Variants in EYS observed in about 807,000 individuals in gnomAD.
EYS encodes protein eyes shut homolog.
A neutral mutation model predicts 282.1 loss-of-function variants in EYS; 250 were observed. That is an observed-to-expected ratio of 0.89 (90% confidence interval 0.80 to 0.98). EYS has a LOEUF of 0.98. EYS is among the 50% of genes least tolerant of loss of function. EYS has a pLI of 0.00. For synonymous variants in EYS, 1,355 were observed against 1,282.9 expected (o/e 1.06, Z -1.20); for missense variants, 4,016 against 3,709.0 (o/e 1.08, Z -2.15).
chr6:64,431,364 G>T (rs904915844), intron 28 of EYS, among the ~76,000 whole-genome samples: 3 of 152,108 alleles, frequency 2.0e-5, no homozygotes, highest in African/African-American at 7.2e-5. Context: ...CCTCTGTAAT[G>T]ACTCTGTAGC....
chr6:64,187,172 T>C (rs1392405892), intron 31 of EYS, among the ~76,000 whole-genome samples: 2 of 152,122 alleles, frequency 1.3e-5, no homozygotes, highest in Non-Finnish European at 2.9e-5. Context: ...TGGATCAAAG[T>C]GTGCATTTGT....
chr6:64,656,943 C>T (rs1768772301), intron 22 of EYS, among the ~76,000 whole-genome samples: 1 of 152,140 alleles, frequency 6.6e-6, no homozygotes, highest in Non-Finnish European at 1.5e-5. Context: ...AAGGTATTTG[C>T]ATCTATTAAG....
chr6:65,367,754 C>A (rs1168991100), intron 8 of EYS, among the ~76,000 whole-genome samples: 3 of 151,626 alleles, frequency 2.0e-5, no homozygotes, highest in East Asian at 1.9e-4. Context: ...TTAGAGGTCT[C>A]CCTTAAACAT....
At chr6:64,828,735 G>T (rs1461803805) in intron 19 of EYS, among the ~76,000 whole-genome samples, 1 of 151,982 alleles carries the variant, frequency 6.6e-6, no homozygotes, top group Non-Finnish European at 1.5e-5. Context: ...GTATGCCAGA[G>T]ATCACAGATA....
intron 14 of EYS, among the ~76,000 whole-genome samples, chr6:64,969,974 C>T (rs1770232659): frequency 6.6e-6 from 1 of 152,066 alleles, no homozygotes; most frequent in Admixed American, 6.5e-5. Flanking sequence ...GGCTTTAATA[C>T]AGTAGCTATT....
chr6:64,937,881 G>A (rs568033817), intron 15 of EYS, among the ~76,000 whole-genome samples: 8 of 151,706 alleles, frequency 5.3e-5, no homozygotes, highest in East Asian at 1.9e-4. Flanking sequence ...TAATCAACAT[G>A]TTTATCAGCT....
chr6:63,952,663 T>C (rs984019824), intron 35 of EYS, among the ~76,000 whole-genome samples: 3 of 152,246 alleles, frequency 2.0e-5, no homozygotes, highest in African/African-American at 7.2e-5. Context: ...AACTAAATTA[T>C]CTGCTTCCCT....
At chr6:65,301,075 G>A (rs1177049472) in intron 11 of EYS, 1 of 152,240 alleles carries the variant, frequency 6.6e-6, no homozygotes, top group Non-Finnish European at 1.5e-5. Context: ...TGTCTTTCGA[G>A]TATTCGGCTT....
chr6:65,196,539 T>A (rs557956355), intron 12 of EYS, among the ~76,000 whole-genome samples: 1 of 152,108 alleles, frequency 6.6e-6, no homozygotes, highest in Non-Finnish European at 1.5e-5. Context: ...TGAGCACTTA[T>A]CTTGTACCAA....
intron 26 of EYS, among the ~76,000 whole-genome samples, chr6:64,461,677 C>T (rs542882590): frequency 1.2e-3 from 180 of 152,124 alleles, no homozygotes; most frequent in African/African-American, 4.1e-3. Context: ...GAAAGCTGAT[C>T]GAGAGCAATA....
At chr6:64,318,639 G>C (rs1315218717) in intron 29 of EYS, among the ~76,000 whole-genome samples, 1 of 151,752 alleles carries the variant, frequency 6.6e-6, no homozygotes, top group Non-Finnish European at 1.5e-5. Flanking sequence ...GGTTAACCTG[G>C]TATTAAGGAA....
chr6:64,444,371 A>G (rs375196517), intron 26 of EYS, among the ~76,000 whole-genome samples: 1 of 152,132 alleles, frequency 6.6e-6, no homozygotes, highest in African/African-American at 2.4e-5. Flanking sequence ...TTTTTATCTA[A>G]TACCATTTTT....
At chr6:65,301,682 A>C (rs1441327460) in intron 11 of EYS, among the ~76,000 whole-genome samples, 2 of 151,934 alleles carry the variant, frequency 1.3e-5, no homozygotes, top group African/African-American at 4.8e-5. Context: ...CCCTCATTAC[A>C]CTCCCACCCC....
At chr6:64,237,019 A>T (rs901839748) in intron 30 of EYS, among the ~76,000 whole-genome samples, 3 of 152,002 alleles carry the variant, frequency 2.0e-5, no homozygotes, top group Non-Finnish European at 4.4e-5. Context: ...TGTACATTTA[A>T]TTTTTTATGA....
intron 40 of EYS, among the ~76,000 whole-genome samples, chr6:63,774,340 G>A (rs1442115926): frequency 6.6e-6 from 1 of 151,850 alleles, no homozygotes; most frequent in African/African-American, 2.4e-5. Flanking sequence ...GCTAATTTTT[G>A]TATTTTTTAG....
At chr6:64,498,050 C>T (rs1776941926) in intron 26 of EYS, among the ~76,000 whole-genome samples, 1 of 152,244 alleles carries the variant, frequency 6.6e-6, no homozygotes, top group East Asian at 1.9e-4. Flanking sequence ...TAAAACCAGA[C>T]TCACTTTATT....
intron 29 of EYS, among the ~76,000 whole-genome samples, chr6:64,347,286 A>G (rs1771443724): frequency 6.6e-6 from 1 of 151,470 alleles, no homozygotes; most frequent in Non-Finnish European, 1.5e-5. Flanking sequence ...ATGACAGCCA[A>G]AATTGTGAAA....
At chr6:63,784,509 G>T (rs1770315905) in intron 39 of EYS, among the ~76,000 whole-genome samples, 1 of 152,148 alleles carries the variant, frequency 6.6e-6, no homozygotes, top group Non-Finnish European at 1.5e-5. Context: ...GGCCATGCAG[G>T]AACCATGGCT....
intron 7 of EYS, among the ~76,000 whole-genome samples, chr6:65,392,535 A>G (rs1008364326): frequency 6.6e-6 from 1 of 152,242 alleles, no homozygotes; most frequent in Non-Finnish European, 1.5e-5. Context: ...ACTTCTCAAA[A>G]GAAGACATTT....
Sources: gnomAD v4.1 joint callset for allele counts (sites outside exome capture counted in the v4.1 genomes callset) on GRCh38, gnomAD v4.1.1 for gene constraint, MANE v1.5 for transcripts, NCBI Gene and HGNC (gene_info 2026-07-23, HGNC 2026-07-21) for gene names.